Variants in CAMTA1 observed in about 807,000 individuals in gnomAD.
CAMTA1 encodes the protein calmodulin-binding transcription activator 1.
CAMTA1 carries 27 observed loss-of-function variants against 170.9 expected under a neutral mutation model. That is an observed-to-expected ratio of 0.16 (90% CI 0.12 to 0.22). CAMTA1 has a LOEUF of 0.22. Ranked by LOEUF, CAMTA1 falls within the 10% of genes least tolerant of loss-of-function variation. The pLI, the probability that CAMTA1 is intolerant of heterozygous loss-of-function variation, is 1.00. For missense variants in CAMTA1, 1,619 were observed against 2,217.2 expected (o/e 0.73, Z 5.42); for synonymous variants, 833 against 891.5 (o/e 0.93, Z 1.17).
chr1:7,310,647 T>TCTTTCTTTCTTTCTTTTCTTTC (rs61161982), intron 5 of CAMTA1, among the ~76,000 whole-genome samples: 2 of 49,178 alleles, frequency 4.1e-5, no homozygotes, highest in Admixed American at 2.4e-4. Flanking sequence ...TTTCTTTCTT[T>TCTTTCTTTCTTTCTTTTCTTTC]TTTCTTTCTT....
chr1:7,482,266 C>G lies in CAMTA1; in HGVS notation c.510+14365C>G, dbSNP rs79900200. Among the ~76,000 whole-genome samples the G allele has an allele frequency of 2.0e-5, 3 of 152,296 alleles. No homozygotes were observed. The East Asian group carries it at 5.8e-4, about 29-fold the overall frequency. Reference sequence around the variant, plus strand: ...TTGTTCACTGCTACATTTGGAGTGCCTGGAGCCATGCCTAGCACATAAGTA... The same window carrying G: ...TTGTTCACTGCTACATTTGGAGTGCGTGGAGCCATGCCTAGCACATAAGTA... On this transcript the variant is annotated intron_variant, in intron 6 of 22. Coordinates refer to ENST00000303635, the MANE Select transcript of CAMTA1 (RefSeq NM_015215.4). This position sits in a 1 kb window ranked among gnomAD's most constrained non-coding sequence, Gnocchi z 4.2.
intron 22 of CAMTA1, among the ~76,000 whole-genome samples, chr1:7,757,349 CTTTA>C (rs951305370): frequency 4.6e-5 from 7 of 152,198 alleles, no homozygotes; most frequent in Admixed American, 6.6e-5. Flanking sequence ...TCTAATACAA[CTTTA>C]TTTATACAAA....
intron 4 of CAMTA1, among the ~76,000 whole-genome samples, chr1:7,215,301 AT>A: frequency 6.6e-6 from 1 of 152,022 alleles, no homozygotes; most frequent in East Asian, 1.9e-4. Context: ...TAAAATTTTA[AT>A]TTTTCATTTT....
At chr1:7,526,755 A>G (rs1331370527) in intron 6 of CAMTA1, among the ~76,000 whole-genome samples, 1 of 152,194 alleles carries the variant, frequency 6.6e-6, no homozygotes, top group African/African-American at 2.4e-5. Context: ...CAGGGCATCC[A>G]AGGCCAGGCC....
At chr1:7,529,399 C>G (rs1432403567) in intron 6 of CAMTA1, among the ~76,000 whole-genome samples, 3 of 152,288 alleles carry the variant, frequency 2.0e-5, no homozygotes, top group African/African-American at 7.2e-5. Context: ...AGTAATGACG[C>G]ATACCTCCTG....
chr1:6,786,764 C>T (rs1276930992), intron 1 of CAMTA1, among the ~76,000 whole-genome samples: 2 of 152,198 alleles, frequency 1.3e-5, no homozygotes, highest in South Asian at 2.1e-4. Flanking sequence ...CTTGTTCTCT[C>T]TTCTCGGAGT....
At chr1:7,114,043 A>AC (rs1440613442) in intron 4 of CAMTA1, among the ~76,000 whole-genome samples, 1 of 151,700 alleles carries the variant, frequency 6.6e-6, no homozygotes, top group Non-Finnish European at 1.5e-5. Flanking sequence ...CGCAGGGCCC[A>AC]CCCCCCATCC....
chr1:6,823,300 A>G (rs1359439080), intron 2 of CAMTA1, among the ~76,000 whole-genome samples: 1 of 152,136 alleles, frequency 6.6e-6, no homozygotes, highest in African/African-American at 2.4e-5. Context: ...AGCACATAAG[A>G]TTACCGAGGT....
chr1:6,830,609 C>T (rs552940359), intron 3 of CAMTA1, among the ~76,000 whole-genome samples: 2 of 152,140 alleles, frequency 1.3e-5, no homozygotes, highest in African/African-American at 4.8e-5. Flanking sequence ...TCCCAAAGTG[C>T]TTGGATTACA....
rs1557801743 is a variant in CAMTA1, at chr1:6,905,705, C to CATTT, written c.234+80495_234+80496insATTT. On this transcript the variant is annotated intron_variant, in intron 3 of 22. Transcript: ENST00000303635. ...GTCCGTGCCCCTGCCCCCTGCTTTG[C>CATTT]GTTTGCATTGTGCTTTGTCTCTTAT... Among the ~76,000 whole-genome samples, 620 of 152,292 alleles carry CATTT rather than the reference C, an allele frequency of 4.1e-3. 7 individuals are homozygous for CATTT. Among genetic ancestry groups the CATTT allele is most frequent in the African/African-American group, 0.015 (606 of 41,562 alleles).
At chr1:7,717,310 A>G (rs974697549) in intron 11 of CAMTA1, among the ~76,000 whole-genome samples, 2 of 152,148 alleles carry the variant, frequency 1.3e-5, no homozygotes, top group African/African-American at 2.4e-5. Flanking sequence ...TAATGAACAA[A>G]TGTACTCCAA....
chr1:7,063,650 C>T lies in CAMTA1; in HGVS notation c.235-27654C>T, dbSNP rs918385372. ...ATCTGAAATACCTTCCCTGGACCTA[C>T]CATTTGCATTTGGACTTAGATTATT... is the stretch of plus-strand genomic sequence containing the variant. On this transcript the variant is annotated intron_variant, in intron 3 of 22. Coordinates refer to ENST00000303635, the MANE Select transcript of CAMTA1 (RefSeq NM_015215.4). This position sits in a 1 kb window ranked among gnomAD's most constrained non-coding sequence, Gnocchi z 4.3. Among the ~76,000 whole-genome samples, 1 of 152,206 alleles carries T rather than the reference C, an allele frequency of 6.6e-6. No homozygotes were observed. Among genetic ancestry groups the T allele is most frequent in the African/African-American group, 2.4e-5 (1 of 41,454 alleles).
chr1:7,725,921 G>C (rs1481726934), intron 11 of CAMTA1, among the ~76,000 whole-genome samples: 1 of 151,926 alleles, frequency 6.6e-6, no homozygotes, highest in Admixed American at 6.6e-5. Context: ...CACACACACA[G>C]ACTCACAGCC....
At chr1:6,984,855 A>G (rs1028648655) in intron 3 of CAMTA1, among the ~76,000 whole-genome samples, 2 of 152,210 alleles carry the variant, frequency 1.3e-5, no homozygotes, top group African/African-American at 2.4e-5. Flanking sequence ...AGGGCCTCAA[A>G]TCCAATGCCA....
intron 12 of CAMTA1, among the ~76,000 whole-genome samples, chr1:7,733,223 A>T (rs1367579389): frequency 2.6e-5 from 4 of 152,138 alleles, no homozygotes; most frequent in African/African-American, 9.7e-5. Context: ...GAAGAAAAAA[A>T]AAGGCCAGAT....
chr1:7,001,936 G>A (rs1299592732), intron 3 of CAMTA1, among the ~76,000 whole-genome samples: 18 of 132,706 alleles, frequency 1.4e-4, no homozygotes, highest in African/African-American at 4.7e-4. Flanking sequence ...TCCCTCTGTC[G>A]CCCAGGCTGG....
At position 6,906,856 on chromosome 1, in the gene CAMTA1, T is replaced by G. The variant is rs549975415; in HGVS notation, c.234+81646T>G. On this transcript the variant is annotated intron_variant, in intron 3 of 22. Transcript: ENST00000303635. ...CTGGGGCCAGTTCAAGTTTCTAAAG[T>G]AAATCAAAATATGTATTTTAGCTAA... Among the ~76,000 whole-genome samples, 3 of 152,344 alleles carry G rather than the reference T, an allele frequency of 2.0e-5. No individual in the cohort carries two copies. The South Asian group carries it at 6.2e-4, about 32-fold the overall frequency.
chr1:6,987,005 C>G (rs1375812595), intron 3 of CAMTA1, among the ~76,000 whole-genome samples: 1 of 152,072 alleles, frequency 6.6e-6, no homozygotes, highest in Non-Finnish European at 1.5e-5. Context: ...CCCCTCCGCC[C>G]CCACTTCCCA....
chr1:6,950,222 A>G (rs1297969969), intron 3 of CAMTA1, among the ~76,000 whole-genome samples: 2 of 152,170 alleles, frequency 1.3e-5, no homozygotes, highest in Non-Finnish European at 2.9e-5. Context: ...ACCCTTCTCA[A>G]CACGCCCTTG....
Sources: allele counts gnomAD v4.1 joint callset (sites outside exome capture counted in the v4.1 genomes callset), GRCh38; gene constraint gnomAD v4.1.1; non-coding constraint Gnocchi (gnomAD v3.1); transcripts MANE v1.5; gene names NCBI Gene and HGNC (gene_info 2026-07-23, HGNC 2026-07-21).